The following RALYL variants were observed in gnomAD, a reference collection of about 807,000 sequenced individuals.
RALYL encodes RNA-binding Raly-like protein.
In RALYL, 29 loss-of-function variants were observed where a neutral mutation model predicts 35.1. The observed-to-expected ratio is 0.83, with a 90% CI of 0.61 to 1.13. RALYL has a LOEUF of 1.13. Ranked by LOEUF, RALYL falls within the 50% of genes most tolerant of loss-of-function variation. The pLI, the probability that RALYL is intolerant of heterozygous loss-of-function variation, is 0.00. For missense variants in RALYL, 359 were observed against 360.4 expected (o/e 1.00, Z 0.03); for synonymous variants, 120 against 127.6 (o/e 0.94, Z 0.40).
chr8:84,829,308 A>G (rs947399965), intron 4 of RALYL: 1 of 152,296 alleles, frequency 6.6e-6, no homozygotes, highest in African/African-American at 2.4e-5. Flanking sequence ...ACTCAAGATG[A>G]GATTTAGGTG....
At chr8:84,668,212 A>G (rs985783142) in intron 2 of RALYL, among the ~76,000 whole-genome samples, 2 of 152,126 alleles carry the variant, frequency 1.3e-5, no homozygotes, top group African/African-American at 4.8e-5. Flanking sequence ...GCTTTAAGGG[A>G]TTCAAACAGG....
intron 1 of RALYL, among the ~76,000 whole-genome samples, chr8:84,525,682 C>G (rs559118269): frequency 6.6e-6 from 1 of 151,992 alleles, no homozygotes; most frequent in East Asian, 1.9e-4. Flanking sequence ...TATCCCTATA[C>G]TACATTTTAC....
intron 2 of RALYL, among the ~76,000 whole-genome samples, chr8:84,569,649 A>T (rs1056485578): frequency 6.6e-6 from 1 of 151,896 alleles, no homozygotes; most frequent in African/African-American, 2.4e-5. Context: ...TCTTCATTAT[A>T]AATTCTTTGC....
chr8:84,790,566 T>A (rs1413403443), intron 3 of RALYL, among the ~76,000 whole-genome samples: 2 of 152,170 alleles, frequency 1.3e-5, no homozygotes, highest in Non-Finnish European at 1.5e-5. Flanking sequence ...CAATTAACTA[T>A]TAAGCACCCA....
chr8:84,199,008 TC>T (rs1167753736), intron 1 of RALYL, among the ~76,000 whole-genome samples: 3 of 152,158 alleles, frequency 2.0e-5, no homozygotes, highest in Non-Finnish European at 2.9e-5. Flanking sequence ...GGGTATATAC[TC>T]CAGAGTGGGA....
At chr8:84,842,957 A>G (rs1453607285) in intron 4 of RALYL, among the ~76,000 whole-genome samples, 2 of 152,142 alleles carry the variant, frequency 1.3e-5, no homozygotes, top group Non-Finnish European at 2.9e-5. Flanking sequence ...AGGTATTGAT[A>G]GGATGTATCT....
At chr8:84,351,682 T>G (rs1274175845) in intron 1 of RALYL, among the ~76,000 whole-genome samples, 3 of 150,148 alleles carry the variant, frequency 2.0e-5, no homozygotes, top group Non-Finnish European at 3.0e-5. Flanking sequence ...CTCTTAAGAC[T>G]ACCTTGTTTT....
At chr8:84,842,610 T>A (rs1481702964) in intron 4 of RALYL, among the ~76,000 whole-genome samples, 3 of 152,168 alleles carry the variant, frequency 2.0e-5, no homozygotes, top group East Asian at 3.9e-4. Flanking sequence ...CCTCCCTAAC[T>A]AATTTTATGA....
chr8:84,383,994 T>C (rs966725129), intron 1 of RALYL, among the ~76,000 whole-genome samples: 1 of 151,786 alleles, frequency 6.6e-6, no homozygotes, highest in Non-Finnish European at 1.5e-5. Context: ...ATAATTTCCA[T>C]GTCCCACTTA....
intron 2 of RALYL, among the ~76,000 whole-genome samples, chr8:84,748,968 C>T (rs1197709201): frequency 6.6e-6 from 1 of 152,082 alleles, no homozygotes; most frequent in African/African-American, 2.4e-5. Context: ...CTGCAATTAA[C>T]TTGATCATAT....
chr8:84,477,548 TATTAAATAA>T (rs940928834), intron 1 of RALYL, among the ~76,000 whole-genome samples: 24 of 150,006 alleles, frequency 1.6e-4, no homozygotes, highest in Non-Finnish European at 3.3e-4. Flanking sequence ...GATACATGTA[TATTAAATAA>T]AAATACGATA....
chr8:84,481,934 T>A lies in RALYL; in HGVS notation c.-23-47365T>A, dbSNP rs775439668. On this transcript the variant is annotated intron_variant, in intron 1 of 8. Coordinates refer to ENST00000521268, the MANE Select transcript of RALYL (RefSeq NM_173848.7). ...TATCAACTCTCATAAAATTGAATAT[T>A]TGAGTGTTATATATTTTAATGTATG... Among the ~76,000 whole-genome samples, 56 of 152,230 alleles carry A rather than the reference T, an allele frequency of 3.7e-4. 1 individual carries two copies. The highest frequency in any genetic ancestry group is 1.0e-3 in the South Asian group (5 of 4,824).
At chr8:84,784,972 G>A (rs1344577127) in intron 3 of RALYL, among the ~76,000 whole-genome samples, 2 of 151,950 alleles carry the variant, frequency 1.3e-5, no homozygotes, top group Non-Finnish European at 2.9e-5. Flanking sequence ...CAATACTTAG[G>A]GATCTTCTTC....
At chr8:84,788,891 G>A (rs758442390) in intron 3 of RALYL, among the ~76,000 whole-genome samples, 12 of 152,216 alleles carry the variant, frequency 7.9e-5, no homozygotes, top group Non-Finnish European at 1.3e-4. Context: ...GCAGTGGAAT[G>A]AGCAATCAGG....
At chr8:84,271,880 T>A (rs1230313743) in intron 1 of RALYL, among the ~76,000 whole-genome samples, 1 of 152,072 alleles carries the variant, frequency 6.6e-6, no homozygotes, top group Non-Finnish European at 1.5e-5. Context: ...AGTTATGAAA[T>A]AATTTTAAAA....
At chr8:84,190,976 G>A (rs1405184059) in intron 1 of RALYL, among the ~76,000 whole-genome samples, 4 of 152,010 alleles carry the variant, frequency 2.6e-5, no homozygotes, top group African/African-American at 9.7e-5. Flanking sequence ...GTGTGTGTGT[G>A]TATGTAAGTA....
At chr8:84,472,521 G>A (rs2052905609) in intron 1 of RALYL, among the ~76,000 whole-genome samples, 1 of 152,044 alleles carries the variant, frequency 6.6e-6, no homozygotes, top group South Asian at 2.1e-4. Flanking sequence ...TAGTATCTTT[G>A]TGTTTAGAGA....
intron 1 of RALYL, among the ~76,000 whole-genome samples, chr8:84,352,513 T>A (rs1851094849): frequency 1.3e-5 from 2 of 150,318 alleles, no homozygotes; most frequent in Admixed American, 6.6e-5. Flanking sequence ...ATTTTACAAA[T>A]GAGGAAACTG....
chr8:84,257,470 C>A (rs974615907), intron 1 of RALYL, among the ~76,000 whole-genome samples: 1 of 152,026 alleles, frequency 6.6e-6, no homozygotes, highest in Admixed American at 6.6e-5. Flanking sequence ...AAAATGAAGA[C>A]CCACTTAATT....
Sources: allele counts gnomAD v4.1 joint callset (sites outside exome capture counted in the v4.1 genomes callset), GRCh38; gene constraint gnomAD v4.1.1; transcripts MANE v1.5; gene names NCBI Gene and HGNC (gene_info 2026-07-23, HGNC 2026-07-21).